The following MKLN1 variants were observed in gnomAD, a reference collection of about 807,000 sequenced individuals.
MKLN1 encodes the protein muskelin.
MKLN1 carries 18 observed loss-of-function variants against 99.0 expected under a neutral mutation model. That is an observed-to-expected ratio of 0.18 (90% confidence interval 0.13 to 0.27). The LOEUF (loss-of-function observed/expected upper bound fraction) is 0.27. Ranked by LOEUF, MKLN1 falls within the 10% of genes least tolerant of loss-of-function variation. MKLN1 has a pLI of 1.00. For missense variants in MKLN1, 621 were observed against 875.9 expected (o/e 0.71, Z 3.67); for synonymous variants, 288 against 293.2 (o/e 0.98, Z 0.18).
At chr7:131,431,619 C>T (rs555295045) in intron 9 of MKLN1, among the ~76,000 whole-genome samples, 7 of 152,128 alleles carry the variant, frequency 4.6e-5, no homozygotes, top group Non-Finnish European at 8.8e-5. Context: ...TTTTTCTTGC[C>T]CTGATAGCAA....
chr7:131,371,246 TTTTC>T (rs1793442253), intron 1 of MKLN1, among the ~76,000 whole-genome samples: 1 of 152,182 alleles, frequency 6.6e-6, no homozygotes, highest in Non-Finnish European at 1.5e-5. Flanking sequence ...AAAATTTTTC[TTTTC>T]TTTCTTCTTA....
intron 2 of MKLN1, among the ~76,000 whole-genome samples, chr7:131,191,496 G>A (rs1304593169): frequency 3.9e-5 from 6 of 152,152 alleles, no homozygotes; most frequent in Admixed American, 6.5e-5. Context: ...GGAGTACAGA[G>A]AATAAATTAC....
chr7:131,475,178 G>T (rs948468299), intron 16 of MKLN1, among the ~76,000 whole-genome samples: 9 of 151,844 alleles, frequency 5.9e-5, no homozygotes, highest in African/African-American at 2.2e-4. Flanking sequence ...TGAAAAGAGG[G>T]CATCAGTTTA....
chr7:131,487,601 C>T lies in MKLN1; in HGVS notation c.2087-6C>T. The T allele has an allele frequency of 3.7e-6, 6 of 1,610,576 alleles. No homozygotes were observed. The highest frequency in any genetic ancestry group is 1.3e-5 in the African/African-American group (1 of 74,830). On this transcript the variant is annotated splice_polypyrimidine_tract_variant and splice_region_variant and intron_variant, in intron 17 of 17. Transcript: ENST00000352689. The surrounding 1 kb of genome is among the most constrained non-coding windows in gnomAD (Gnocchi z 4.7). ...AATGGATGTTTCTTTGTATCTTCTTCACCAGGCTTTTCTGATGTGGATCAC... is the reference window on the plus strand; with the variant it reads ...AATGGATGTTTCTTTGTATCTTCTTTACCAGGCTTTTCTGATGTGGATCAC...
chr7:131,419,228 GTATATA>G (rs369597167), intron 8 of MKLN1, among the ~76,000 whole-genome samples: 2 of 132,766 alleles, frequency 1.5e-5, no homozygotes, highest in African/African-American at 2.8e-5. Context: ...ATATATATAT[GTATATA>G]TATATATATA....
intron 3 of MKLN1, among the ~76,000 whole-genome samples, chr7:131,238,795 C>T (rs775251312): frequency 1.3e-5 from 2 of 152,208 alleles, no homozygotes; most frequent in South Asian, 4.1e-4. Context: ...CCCACCTTCA[C>T]GTCTTCAACA....
rs540888065 is a variant in MKLN1, at chr7:131,171,081, A to G, written c.-297+28140A>G. 3.9e-5 allele frequency among the ~76,000 whole-genome samples: 6 copies of G among 152,342 alleles called. No homozygotes were observed. The East Asian group carries it at 1.2e-3, about 29-fold the overall frequency. On this transcript the variant is annotated intron_variant, in intron 2 of 7. Coordinates refer to the MKLN1 transcript ENST00000416992. ...AAAGTTAAACAACCCGACATCATAA[A>G]GAGATGAATCAGAAGCCAATAGGGT...
chr7:131,275,567 A>ATATATAT (rs1336398554), intron 3 of MKLN1, among the ~76,000 whole-genome samples: 1 of 5,618 alleles, frequency 1.8e-4, no homozygotes, highest in Non-Finnish European at 3.9e-4. Flanking sequence ...ATATATATAT[A>ATATATAT]TTTTTTTTTT....
intron 3 of MKLN1, among the ~76,000 whole-genome samples, chr7:131,223,999 C>T (rs752585588): frequency 6.6e-6 from 1 of 152,032 alleles, no homozygotes; most frequent in Non-Finnish European, 1.5e-5. Context: ...CTCCTGACCT[C>T]GTGATCTGCC....
chr7:131,120,187 A>G (rs1795341941), intron 1 of MKLN1, among the ~76,000 whole-genome samples: 1 of 148,148 alleles, frequency 6.8e-6, no homozygotes, highest in African/African-American at 2.5e-5. Context: ...AAAAAAAAAA[A>G]AAGAAGCAGC....
intron 17 of MKLN1, among the ~76,000 whole-genome samples, chr7:131,482,045 C>T (rs1473120864): frequency 2.6e-5 from 4 of 152,046 alleles, no homozygotes; most frequent in Non-Finnish European, 5.9e-5. Context: ...GCTATAGGCA[C>T]TTTTAAGGTT....
At chr7:131,143,413 C>A (rs1227647102) in intron 2 of MKLN1, among the ~76,000 whole-genome samples, 3 of 152,144 alleles carry the variant, frequency 2.0e-5, no homozygotes, top group Non-Finnish European at 2.9e-5. Context: ...TTGCAGCGAG[C>A]CAAGATCGTG....
At chr7:131,244,998 T>G (rs1052520652) in intron 3 of MKLN1, among the ~76,000 whole-genome samples, 10 of 152,166 alleles carry the variant, frequency 6.6e-5, no homozygotes, top group Non-Finnish European at 1.3e-4. Flanking sequence ...GCTTTCTGTT[T>G]TGTAAGAGGT....
rs149627807 is a variant in MKLN1, at chr7:131,371,765, C to CATATATATAT, written c.99-3651_99-3642dup. Reference sequence around the variant, plus strand: ...TTTACATTATACTTGACATATATAACATATATATATATATATACACTTAAT... The same window carrying CATATATATAT: ...TTTACATTATACTTGACATATATAACATATATATATATATATATATATATATACACTTAAT... On this transcript the variant is annotated intron_variant, in intron 1 of 17. Transcript: ENST00000352689. 3.1e-3 allele frequency among the ~76,000 whole-genome samples: 463 copies of CATATATATAT among 147,718 alleles called. 2 individuals carry two copies. Among genetic ancestry groups the CATATATATAT allele is most frequent in the African/African-American group, 0.011 (448 of 40,418 alleles).
intron 3 of MKLN1, among the ~76,000 whole-genome samples, chr7:131,312,950 C>G (rs1798595429): frequency 6.6e-6 from 1 of 152,108 alleles, no homozygotes; most frequent in South Asian, 2.1e-4. Flanking sequence ...GGCACTGTCC[C>G]CAGGGCCACT....
intron 1 of MKLN1, among the ~76,000 whole-genome samples, chr7:131,354,093 T>C (rs1204128830): frequency 6.6e-6 from 1 of 152,068 alleles, no homozygotes; most frequent in Non-Finnish European, 1.5e-5. Context: ...ATTTAAATAA[T>C]TATTTTGGCT....
intron 3 of MKLN1, among the ~76,000 whole-genome samples, chr7:131,217,787 G>A (rs1797005453): frequency 6.6e-6 from 1 of 152,210 alleles, no homozygotes. Context: ...GTTCATAGCA[G>A]CATTATGCAC....
intron 1 of MKLN1, among the ~76,000 whole-genome samples, chr7:131,362,876 A>G (rs1191015246): frequency 6.6e-6 from 1 of 151,998 alleles, no homozygotes; most frequent in East Asian, 1.9e-4. Context: ...TGTAAGTCTT[A>G]TCAGCTCTTC....
At chr7:131,432,541 G>A (rs1047256025) in intron 9 of MKLN1, among the ~76,000 whole-genome samples, 13 of 152,026 alleles carry the variant, frequency 8.6e-5, no homozygotes, top group South Asian at 8.3e-4. Flanking sequence ...TCCGCCTCCC[G>A]GGTTCAAGCA....
Sources: allele counts gnomAD v4.1 joint callset (sites outside exome capture counted in the v4.1 genomes callset), GRCh38; gene constraint gnomAD v4.1.1; non-coding constraint Gnocchi (gnomAD v3.1); transcripts MANE v1.5; gene names NCBI Gene and HGNC (gene_info 2026-07-23, HGNC 2026-07-21).